Variants in CELF4 observed in about 807,000 individuals in gnomAD.
CELF4 encodes the protein CUGBP Elav-like family member 4, also known as CUG-BP- and ETR-3-like factor 4.
CELF4 carries 18 observed loss-of-function variants against 59.9 expected under a neutral mutation model. The observed-to-expected ratio is 0.30, with a 90% confidence interval of 0.21 to 0.45. CELF4 has a LOEUF of 0.45. Ranked by LOEUF, CELF4 falls within the 20% of genes least tolerant of loss-of-function variation. The pLI is 1.00. For missense variants in CELF4, 456 were observed against 689.0 expected (o/e 0.66, Z 3.79); for synonymous variants, 261 against 267.1 (o/e 0.98, Z 0.22).
rs753734850 is a variant in CELF4 at position 37,321,817 on chromosome 18, C to T, written c.434G>A (p.Arg145His). ...TGGGCCCTCACGTGAAGGGGGCTGG[C>T]GCAGGCAGCTACTACCTCCTCGGCT... Reference protein sequence around the residue: ...SESRGGSSCLRQPPSQDRKLF... With the variant: ...SESRGGSSCLHQPPSQDRKLF... Residue 145 changes from arginine (R) to histidine (H), a missense_variant, in exon 3 of 13, where the codon CGC (arginine) becomes CAC (histidine). This residue lies in a region of CELF4 where 63 missense variants were observed against 110.6 expected (regional missense o/e 0.57). Coordinates refer to ENST00000420428, the MANE Select transcript of CELF4 (RefSeq NM_020180.4). 12 of 1,611,494 alleles carry T rather than the reference C, an allele frequency of 7.4e-6. No homozygotes were observed. Among genetic ancestry groups the T allele is most frequent in the East Asian group, 4.5e-5 (2 of 44,700 alleles).
rs577475527 is a variant in CELF4, at chr18:37,296,971, A to G, written c.449-21728T>C. Among the ~76,000 whole-genome samples the G allele has an allele frequency of 3.9e-5, 6 of 152,248 alleles. No individual in the cohort carries two copies. In the East Asian group the frequency reaches 1.2e-3, roughly 30 times the overall value. On this transcript the variant is annotated intron_variant, in intron 3 of 12. Transcript: ENST00000420428. The stretch of plus-strand genomic sequence containing the variant: ...CTTAACTGGGCCAGGTGAGGAACAC[A>G]CCAGACTGAGGCCAGACTGGGCAAG...
intron 2 of CELF4, among the ~76,000 whole-genome samples, chr18:37,369,449 G>A (rs1320341409): frequency 1.3e-5 from 2 of 152,128 alleles, no homozygotes; most frequent in African/African-American, 4.8e-5. Flanking sequence ...AGGTGGGTGA[G>A]GGATGTAAGG....
intron 12 of CELF4, among the ~76,000 whole-genome samples, chr18:37,249,344 C>G (rs2064002227): frequency 1.3e-5 from 2 of 152,160 alleles, no homozygotes. Context: ...TGGGACTCTC[C>G]TCTTTCTCCC....
At chr18:37,313,249 G>A (rs905559641) in intron 3 of CELF4, among the ~76,000 whole-genome samples, 25 of 152,182 alleles carry the variant, frequency 1.6e-4, no homozygotes, top group African/African-American at 4.8e-4. Context: ...TGGACTCAGC[G>A]TAATTTCAGA....
At chr18:37,299,312 TTA>T (rs1406694370) in intron 3 of CELF4, among the ~76,000 whole-genome samples, 1 of 152,156 alleles carries the variant, frequency 6.6e-6, no homozygotes, top group Non-Finnish European at 1.5e-5. Context: ...TTTTCTTGAT[TTA>T]TATGTTGTTT....
At position 37,254,769 on chromosome 18, in the gene CELF4, C is replaced by T. The variant is rs1358282341; in HGVS notation, c.1334-831G>A. Among the ~76,000 whole-genome samples the T allele has an allele frequency of 6.6e-6, 1 of 152,260 alleles. No individual in the cohort carries two copies. Among genetic ancestry groups the T allele is most frequent in the African/African-American group, 2.4e-5 (1 of 41,478 alleles). Reference sequence around the variant, plus strand: ...AGATGGCATGCAGAACCTTGCGGCTCCCAGGCCCAACCGCGCAGGTCCCAG... The same window carrying T: ...AGATGGCATGCAGAACCTTGCGGCTTCCAGGCCCAACCGCGCAGGTCCCAG... On this transcript the variant is annotated intron_variant, in intron 11 of 12. Transcript: ENST00000420428. This position sits in a 1 kb window ranked among gnomAD's most constrained non-coding sequence, Gnocchi z 5.1.
At chr18:37,291,770 C>T (rs1456105605) in intron 3 of CELF4, among the ~76,000 whole-genome samples, 1 of 152,240 alleles carries the variant, frequency 6.6e-6, no homozygotes. Flanking sequence ...GGGTCCACAG[C>T]TGTCCCTTAG....
At chr18:37,412,323 A>G (rs887158009) in intron 2 of CELF4, among the ~76,000 whole-genome samples, 1 of 152,226 alleles carries the variant, frequency 6.6e-6, no homozygotes, top group African/African-American at 2.4e-5. Flanking sequence ...TGAGAAACAC[A>G]TCTTATCCCA....
At chr18:37,302,437 C>T (rs1454586727) in intron 3 of CELF4, among the ~76,000 whole-genome samples, 1 of 152,222 alleles carries the variant, frequency 6.6e-6, no homozygotes, top group African/African-American at 2.4e-5. Context: ...TTATCGCCCC[C>T]AACATCAGCC....
chr18:37,475,838 C>G (rs993933407), intron 2 of CELF4, among the ~76,000 whole-genome samples: 2 of 152,166 alleles, frequency 1.3e-5, no homozygotes, highest in Admixed American at 6.5e-5. Flanking sequence ...GCTCCCCAAG[C>G]CTTCCTCCTC....
chr18:37,543,856 C>A (rs552544028), intron 1 of CELF4, among the ~76,000 whole-genome samples: 3 of 152,188 alleles, frequency 2.0e-5, no homozygotes, highest in African/African-American at 7.2e-5. Flanking sequence ...GAGGCCGCTA[C>A]GTGGTCTGTG....
chr18:37,521,754 C>T (rs1335398244), intron 1 of CELF4, among the ~76,000 whole-genome samples: 5 of 152,198 alleles, frequency 3.3e-5, no homozygotes, highest in South Asian at 2.1e-4. Context: ...CCTTTTGCAG[C>T]GGTGACCCTG....
chr18:37,346,080 C>T (rs1039960388), intron 2 of CELF4, among the ~76,000 whole-genome samples: 2 of 152,202 alleles, frequency 1.3e-5, no homozygotes, highest in African/African-American at 4.8e-5. Flanking sequence ...GCTGGTCCGC[C>T]ACAGAGGCCA....
chr18:37,297,378 G>C (rs568463329), intron 3 of CELF4, among the ~76,000 whole-genome samples: 1 of 152,294 alleles, frequency 6.6e-6, no homozygotes, highest in African/African-American at 2.4e-5. Context: ...CAAGCAGTCA[G>C]CCTCTCACGC....
chr18:37,467,610 G>A (rs2099812150), intron 2 of CELF4, among the ~76,000 whole-genome samples: 1 of 152,162 alleles, frequency 6.6e-6, no homozygotes, highest in African/African-American at 2.4e-5. Context: ...GAGAGAGCAA[G>A]GGAAGGAGAG....
chr18:37,360,327 G>C (rs975442262), intron 2 of CELF4, among the ~76,000 whole-genome samples: 2 of 152,172 alleles, frequency 1.3e-5, no homozygotes, highest in Non-Finnish European at 2.9e-5. Flanking sequence ...CTTTATCACT[G>C]CTGGGCCAGG....
At chr18:37,512,916 A>T (rs2099946200) in intron 1 of CELF4, among the ~76,000 whole-genome samples, 1 of 151,698 alleles carries the variant, frequency 6.6e-6, no homozygotes, top group East Asian at 1.9e-4. Context: ...TTCTCCCGGG[A>T]GTTCTGCAGG....
At chr18:37,285,417 G>T (rs994262510) in intron 3 of CELF4, among the ~76,000 whole-genome samples, 3 of 152,252 alleles carry the variant, frequency 2.0e-5, no homozygotes, top group African/African-American at 7.2e-5. Flanking sequence ...GGCCCCTGGG[G>T]CCTGTTCTGG....
rs185668873 is a variant in CELF4 at position 37,462,011 on chromosome 18, C to T, written c.369+23514G>A. On this transcript the variant is annotated intron_variant, in intron 2 of 12. Transcript: ENST00000420428. ...TCCTGGGAGGACCAAGTTTATCTTA[C>T]CCATGAGGGAAATGTGGCACAGAGA... is the stretch of plus-strand genomic sequence containing the variant. Among the ~76,000 whole-genome samples the T allele has an allele frequency of 6.6e-5, 10 of 152,274 alleles. No homozygotes were observed. The East Asian group carries it at 1.9e-3, about 29-fold the overall frequency.
Sources: allele counts gnomAD v4.1 joint callset (sites outside exome capture counted in the v4.1 genomes callset), GRCh38; gene constraint gnomAD v4.1.1; regional missense constraint gnomAD v4.1.1; non-coding constraint Gnocchi (gnomAD v3.1); transcripts MANE v1.5; gene names NCBI Gene and HGNC (gene_info 2026-07-23, HGNC 2026-07-21).